Variants in ISCA1 observed in about 807,000 individuals in gnomAD.
ISCA1 encodes iron-sulfur cluster assembly 1 homolog, mitochondrial.
In ISCA1, 9 loss-of-function variants were observed where a neutral mutation model predicts 14.7. That is an observed-to-expected ratio of 0.61 (90% CI 0.37 to 1.07). The LOEUF (loss-of-function observed/expected upper bound fraction) is 1.07. Ranked by LOEUF, ISCA1 falls within the 50% of genes least tolerant of loss-of-function variation. The pLI, the probability that ISCA1 is intolerant of heterozygous loss-of-function variation, is 0.01. For missense variants in ISCA1, 102 were observed against 150.1 expected, an observed-to-expected ratio of 0.68 and a Z score of 1.67; for synonymous variants, 38 against 54.3, an observed-to-expected ratio of 0.70 and a Z score of 1.32.
At chr9:86,282,088 C>G in intron 1 of ISCA1, 1 of 452,220 alleles carries the variant, frequency 2.2e-6, no homozygotes, top group Non-Finnish European at 3.9e-6. Flanking sequence ...GATCGGCCCC[C>G]GGGGACGCCC....
intron 3 of ISCA1, chr9:86,267,585 A>G (rs1395597125): frequency 1.2e-6 from 1 of 868,672 alleles, no homozygotes; most frequent in Non-Finnish European, 1.4e-6. Flanking sequence ...AATTTTAATT[A>G]TAAATTAAAT....
At chr9:86,267,832 A>T (rs1825308511) in intron 3 of ISCA1, 1 of 132,982 alleles carries the variant, frequency 7.5e-6, no homozygotes, top group African/African-American at 3.0e-5. Context: ...GACCATCTCA[A>T]ATTAAAAAAA....
chr9:86,274,343 AT>A lies in ISCA1; in HGVS notation c.82-102del, dbSNP rs1036498552. On this transcript the variant is annotated intron_variant, in intron 1 of 3. Transcript: ENST00000375991. Reference sequence around the variant, plus strand: ...TGTCTTTAGCAAATTCATGTGACAAATTTATGTTCCATTCTTGCCAGGGTAC... The same window carrying A: ...TGTCTTTAGCAAATTCATGTGACAAATTATGTTCCATTCTTGCCAGGGTAC... 11 of 753,126 alleles carry A rather than the reference AT, an allele frequency of 1.5e-5. No homozygotes were observed. In the African/African-American group the frequency reaches 1.6e-4, roughly 11 times the overall value. The allele number at this position is 753,126 out of a possible 1,614,324, so 46.7% of individuals were successfully genotyped here.
chr9:86,274,155 GT>G (rs1330552591), intron 2 of ISCA1, 33 bp downstream of exon 2: 1 of 1,256,084 alleles, frequency 8.0e-7, no homozygotes, highest in South Asian at 1.2e-5. Flanking sequence ...TGCAGCTTCA[GT>G]TTTTTACTGA....
rs146653377 is a variant in ISCA1, at chr9:86,271,087, T to TATAATA, written c.241+914_241+919dup. On this transcript the variant is annotated intron_variant, in intron 3 of 3. Coordinates refer to ENST00000375991, the MANE Select transcript of ISCA1 (RefSeq NM_030940.4). ...TGCACATGTACCCTAAAACTTAAAG[T>TATAATA]ATAATAATAATAATAATAATAAAAG... Among the ~76,000 whole-genome samples the TATAATA allele has an allele frequency of 2.7e-3, 409 of 151,110 alleles. 1 individual carries two copies. Among genetic ancestry groups the TATAATA allele is most frequent in the African/African-American group, 9.7e-3 (398 of 41,226 alleles).
rs1034552834 is a variant in ISCA1 at position 86,266,070 on chromosome 9, A to G, written c.363T>C (p.Cys121=). 6.2e-7 allele frequency: 1 copy of G among 1,612,334 alleles called. No individual in the cohort carries two copies. The highest frequency in any genetic ancestry group is 8.5e-7 in the Non-Finnish European group (1 of 1,179,786). The change falls in exon 4 of 4, where the codon TGT becomes TGC. Residue 121 remains cysteine (C), a synonymous_variant. Transcript: ENST00000375991. Reference sequence around the variant, plus strand: ...AAATATTAAAGCTTTCTCCACAGCCACAAGTCCCTTTGATGTTTGGGTTAT... The same window carrying G: ...AAATATTAAAGCTTTCTCCACAGCCGCAAGTCCCTTTGATGTTTGGGTTAT... ...VFNNPNIKGT[C]GCGESFNI
At chr9:86,271,501 C>G (rs1825368312) in intron 3 of ISCA1, among the ~76,000 whole-genome samples, 1 of 152,136 alleles carries the variant, frequency 6.6e-6, no homozygotes. Flanking sequence ...ATGTCAGCAC[C>G]CACTTTTAAA....
At chr9:86,274,017 T>G (rs1041200315) in intron 2 of ISCA1, among the ~76,000 whole-genome samples, 172 bp downstream of exon 2, 1 of 152,244 alleles carries the variant, frequency 6.6e-6, no homozygotes, top group African/African-American at 2.4e-5. Context: ...AAAGAATGAC[T>G]TCCTTTTAGT....
intron 1 of ISCA1, among the ~76,000 whole-genome samples, chr9:86,278,006 A>G (rs1825460410): frequency 6.6e-6 from 1 of 152,206 alleles, no homozygotes; most frequent in Admixed American, 6.5e-5. Flanking sequence ...TTCATTCTCA[A>G]TCCTGTATTT....
In ISCA1 at chr9:86,280,588, C is replaced by T. The variant is rs572977592; in HGVS notation, c.81+1790G>A. 5.3e-3 allele frequency among the ~76,000 whole-genome samples: 683 copies of T among 130,030 alleles called. 6 individuals are homozygous for T. Among genetic ancestry groups the T allele is most frequent in the African/African-American group, 0.022 (662 of 30,484 alleles). The allele number at this position is 130,030 out of a possible 152,430, so 85.3% of individuals were successfully genotyped here. On this transcript the variant is annotated intron_variant, in intron 1 of 3. Coordinates refer to ENST00000375991, the MANE Select transcript of ISCA1 (RefSeq NM_030940.4). The stretch of plus-strand genomic sequence containing the variant: ...CCAGCCTGGGCAACCCAGCGAAACC[C>T]TGTCTCAAAAAAAAAAAAAAAAAAA...
At chr9:86,274,290 G>C (rs748199135) in intron 1 of ISCA1, 48 bp from the exon 2 acceptor site, 2 of 1,245,218 alleles carry the variant, frequency 1.6e-6, no homozygotes, top group Admixed American at 1.8e-5. Flanking sequence ...GTTATTCAAA[G>C]CCTCATATTT....
chr9:86,278,911 G>A (rs1163207787), intron 1 of ISCA1, among the ~76,000 whole-genome samples: 4 of 152,040 alleles, frequency 2.6e-5, no homozygotes, highest in African/African-American at 4.8e-5. Context: ...GATTTATAAC[G>A]CTGAAACTTA....
At position 86,274,215 on chromosome 9, in the gene ISCA1, G is replaced by C. The variant is rs763725292; in HGVS notation, c.109C>G (p.Gln37Glu). 1 of 1,591,004 alleles carries C rather than the reference G, an allele frequency of 6.3e-7. No individual in the cohort carries two copies. Among genetic ancestry groups the C allele is most frequent in the South Asian group, 1.1e-5 (1 of 90,428 alleles). The change falls in exon 2 of 4, where the codon CAA (glutamine) becomes GAA (glutamate). Residue 37 changes from glutamine (Q) to glutamate (E), a missense_variant. Transcript: ENST00000375991. ...TGCTCAGGCTTATCTTTAAGAAGTT[G>C]TTTTATCTTGTTTACTGCTGAAGGT... is the stretch of plus-strand genomic sequence containing the variant. Reference protein sequence around the residue: ...LTPSAVNKIKQLLKDKPEHVG... With the variant: ...LTPSAVNKIKELLKDKPEHVG...
chr9:86,278,023 G>A (rs1254847171), intron 1 of ISCA1, among the ~76,000 whole-genome samples: 1 of 152,116 alleles, frequency 6.6e-6, no homozygotes, highest in Non-Finnish European at 1.5e-5. Context: ...ATTTCTTTAA[G>A]TAACTCCCCA....
At chr9:86,269,888 T>C (rs1468515945) in intron 3 of ISCA1, among the ~76,000 whole-genome samples, 1 of 152,226 alleles carries the variant, frequency 6.6e-6, no homozygotes, top group Non-Finnish European at 1.5e-5. Context: ...TGGCTAGCCA[T>C]ATGCAGAAAG....
chr9:86,282,147 G>C, intron 1 of ISCA1: 2 of 550,676 alleles, frequency 3.6e-6, no homozygotes, highest in South Asian at 5.1e-5. Flanking sequence ...GCGGCCTGAC[G>C]GGAAACGTAG....
chr9:86,278,080 A>G (rs1825461823), intron 1 of ISCA1, among the ~76,000 whole-genome samples: 1 of 152,242 alleles, frequency 6.6e-6, no homozygotes, highest in Non-Finnish European at 1.5e-5. Flanking sequence ...TTAAATTCAA[A>G]GCTAAAGTTA....
intron 1 of ISCA1, among the ~76,000 whole-genome samples, chr9:86,278,451 G>A (rs1398915444): frequency 6.6e-6 from 1 of 152,024 alleles, no homozygotes; most frequent in African/African-American, 2.4e-5. Context: ...GACGGCTTGA[G>A]GCCAGGAGTT....
intron 1 of ISCA1, among the ~76,000 whole-genome samples, chr9:86,276,700 G>A (rs1825441823): frequency 2.0e-5 from 3 of 151,576 alleles, no homozygotes; most frequent in South Asian, 2.1e-4. Context: ...GTGAAACCCC[G>A]TCTCTATTAA....
Sources: gnomAD v4.1 joint callset for allele counts (sites outside exome capture counted in the v4.1 genomes callset) on GRCh38, gnomAD v4.1.1 for gene constraint, MANE v1.5 for transcripts, NCBI Gene and HGNC (gene_info 2026-07-23, HGNC 2026-07-21) for gene names.